Variants in COL4A3 observed in about 807,000 individuals in gnomAD.
COL4A3 encodes the protein collagen alpha-3(IV) chain.
In COL4A3, 135 loss-of-function variants were observed where a neutral mutation model predicts 217.4. The ratio of observed to expected loss-of-function variants is 0.62; its 90% CI spans 0.54 to 0.72. The LOEUF is 0.72. COL4A3 is among the 30% of genes least tolerant of loss of function. The pLI, the probability that COL4A3 is intolerant of heterozygous loss-of-function variation, is 0.00. For synonymous variants in COL4A3, 690 were observed against 736.3 expected, an observed-to-expected ratio of 0.94 and a Z score of 1.02; for missense variants, 1,868 against 2,119.9, an observed-to-expected ratio of 0.88 and a Z score of 2.33.
At chr2:227,223,417 A>C (rs994130114) in intron 1 of COL4A3, among the ~76,000 whole-genome samples, 3 of 152,214 alleles carry the variant, frequency 2.0e-5, no homozygotes, top group African/African-American at 7.2e-5. Context: ...AAATATCCCA[A>C]ACATTTACAT....
At chr2:227,236,231 TAA>T (rs2068690371) in intron 1 of COL4A3, among the ~76,000 whole-genome samples, 1 of 152,236 alleles carries the variant, frequency 6.6e-6, no homozygotes, top group South Asian at 2.1e-4. Context: ...ATTTTTCGTA[TAA>T]TGACTTATTT....
At chr2:227,228,893 A>G (rs2068239535) in intron 1 of COL4A3, among the ~76,000 whole-genome samples, 1 of 152,182 alleles carries the variant, frequency 6.6e-6, no homozygotes, top group Non-Finnish European at 1.5e-5. Context: ...CTAATGATCC[A>G]TGTCAAGTCA....
intron 1 of COL4A3, among the ~76,000 whole-genome samples, chr2:227,212,956 A>G (rs564792998): frequency 8.8e-4 from 134 of 152,350 alleles, no homozygotes; most frequent in African/African-American, 3.1e-3. Flanking sequence ...AAGCCAAACT[A>G]AAGACCCTTG....
At chr2:227,198,440 G>T (rs2125726150) in intron 1 of COL4A3, among the ~76,000 whole-genome samples, 1 of 152,286 alleles carries the variant, frequency 6.6e-6, no homozygotes, top group East Asian at 1.9e-4. Context: ...TGTCAGTAAA[G>T]CTGTGTGTCA....
At chr2:227,284,597 T>C (rs2072203944) in intron 34 of COL4A3, among the ~76,000 whole-genome samples, 1 of 152,206 alleles carries the variant, frequency 6.6e-6, no homozygotes, top group Non-Finnish European at 1.5e-5. Flanking sequence ...ATTTAAATCA[T>C]CAGCAGTCAG....
chr2:227,306,854 T>C (rs1293606127), intron 47 of COL4A3, among the ~76,000 whole-genome samples: 1 of 152,062 alleles, frequency 6.6e-6, no homozygotes, highest in Non-Finnish European at 1.5e-5. Flanking sequence ...TAGAGAACCA[T>C]GGCCCAAGTC....
chr2:227,280,753 C>A, intron 30 of COL4A3, 140 bp from the exon 31 acceptor site: 1 of 1,060,588 alleles, frequency 9.4e-7, no homozygotes, highest in Non-Finnish European at 1.4e-6. Flanking sequence ...TAATGAGTGC[C>A]CTCTAGAAAA....
chr2:227,302,417 C>T (rs75906842), intron 43 of COL4A3, among the ~76,000 whole-genome samples: 18,537 of 152,040 alleles, frequency 0.12, 1,187 homozygotes, highest in Non-Finnish European at 0.15. Flanking sequence ...TAGCTCACTA[C>T]TATAATCCCA....
At chr2:227,184,844 T>G (rs1001736944) in intron 1 of COL4A3, among the ~76,000 whole-genome samples, 1 of 151,460 alleles carries the variant, frequency 6.6e-6, no homozygotes, top group Non-Finnish European at 1.5e-5. Flanking sequence ...CTCTCTAAAC[T>G]TGTGTATACA....
In COL4A3 at chr2:227,164,972, G is replaced by C. The variant is rs947834204; in HGVS notation, c.87+159G>C. Among the ~76,000 whole-genome samples the C allele has an allele frequency of 2.0e-5, 3 of 152,212 alleles. No homozygotes were observed. The highest frequency in any genetic ancestry group is 7.2e-5 in the African/African-American group (3 of 41,468). ...ACGCAGGTCCCGGGACAGGCAGCGAGCGGAAGGGAGCAAGCGGGGATGCCC... is the reference window on the plus strand; with the variant it reads ...ACGCAGGTCCCGGGACAGGCAGCGACCGGAAGGGAGCAAGCGGGGATGCCC... On this transcript the variant is annotated intron_variant, in intron 1 of 51. Transcript: ENST00000396578. This position sits in a 1 kb window ranked among gnomAD's most constrained non-coding sequence, Gnocchi z 4.8.
intron 48 of COL4A3, 37 bp from the exon 49 acceptor site, chr2:227,308,862 C>T: frequency 6.2e-7 from 1 of 1,603,604 alleles, no homozygotes; most frequent in Non-Finnish European, 8.5e-7. Flanking sequence ...ATAACTTTAA[C>T]TTACTGAAAG....
At chr2:227,202,743 AAAAATATATATAT>A (rs2066749108) in intron 1 of COL4A3, among the ~76,000 whole-genome samples, 1 of 27,194 alleles carries the variant, frequency 3.7e-5, no homozygotes. Flanking sequence ...TCTAAAAAAA[AAAAATATATATAT>A]ATATATATAT....
At chr2:227,199,823 A>C (rs1574542719) in intron 1 of COL4A3, among the ~76,000 whole-genome samples, 2 of 148,064 alleles carry the variant, frequency 1.4e-5, no homozygotes, top group Non-Finnish European at 3.0e-5. Context: ...TGTGCATATA[A>C]AAATGTAAAA....
intron 31 of COL4A3, chr2:227,281,755 C>T (rs756983878): frequency 6.6e-6 from 1 of 152,358 alleles, no homozygotes; most frequent in Non-Finnish European, 1.5e-5. Context: ...GTGAGCAGCA[C>T]TCATAAGGTG....
intron 26 of COL4A3, among the ~76,000 whole-genome samples, chr2:227,273,705 G>A (rs564167755): frequency 5.9e-5 from 9 of 152,218 alleles, no homozygotes; most frequent in Admixed American, 1.3e-4. Context: ...GCCACTGTGC[G>A]CAGCCACAAA....
At chr2:227,207,288 C>T (rs1444085682) in intron 1 of COL4A3, among the ~76,000 whole-genome samples, 1 of 152,052 alleles carries the variant, frequency 6.6e-6, no homozygotes, top group Non-Finnish European at 1.5e-5. Flanking sequence ...ACCTAGTCAC[C>T]AAATTAAAAA....
At position 227,314,700 on chromosome 2, in the gene COL4A3, GATTATA is replaced by G. The variant is rs1335056629; in HGVS notation, c.*2833_*2838del. The stretch of plus-strand genomic sequence containing the variant: ...ATTTTATATTGTTATATCCTGACAA[GATTATA>G]ATATTTTAATGTACTAATATTTCTG... On this transcript the variant is annotated 3_prime_UTR_variant, in exon 52 of 52. Transcript: ENST00000396578. 1 of 150,696 alleles carries G rather than the reference GATTATA, an allele frequency of 6.6e-6. No individual in the cohort carries two copies. Among genetic ancestry groups the G allele is most frequent in the African/African-American group, 2.5e-5 (1 of 40,452 alleles). The allele number at this position is 150,696 out of a possible 1,614,324, so 9.3% of individuals were successfully genotyped here.
chr2:227,255,279 C>G (rs776917091), intron 15 of COL4A3, among the ~76,000 whole-genome samples: 5 of 152,098 alleles, frequency 3.3e-5, no homozygotes, highest in Non-Finnish European at 5.9e-5. Context: ...GAGCAGCCCC[C>G]ACAAAGGAAA....
chr2:227,266,418 T>C lies in COL4A3; in HGVS notation c.1317T>C (p.Gly439=). 1 of 1,613,148 alleles carries C rather than the reference T, an allele frequency of 6.2e-7. No homozygotes were observed. The highest frequency in any genetic ancestry group is 8.5e-7 in the Non-Finnish European group (1 of 1,179,190). Residue 439 remains glycine, a splice_region_variant and synonymous_variant, in exon 22 of 52, where the codon GGT becomes GGC. Transcript: ENST00000396578. The part of the protein sequence containing the change: ...PGSPGPPGPP[G]DIVFRKGPPG... ...GTCTTTGGTGCTGTATTTTTATAGG[T>C]GACATCGTTTTTCGCAAGGGTCCAC... is the stretch of plus-strand genomic sequence containing the variant.
Sources: gnomAD v4.1 joint callset for allele counts (sites outside exome capture counted in the v4.1 genomes callset) on GRCh38, gnomAD v4.1.1 for gene constraint, Gnocchi (gnomAD v3.1) non-coding constraint, MANE v1.5 for transcripts, NCBI Gene and HGNC (gene_info 2026-07-23, HGNC 2026-07-21) for gene names.